The following SMAP1 variants were observed in gnomAD, a reference collection of about 807,000 sequenced individuals.
The protein encoded by SMAP1 is small ArfGAP 1, also known as stromal membrane-associated protein 1.
In SMAP1, 24 loss-of-function variants were observed where a neutral mutation model predicts 58.5. The ratio of observed to expected loss-of-function variants is 0.41; its 90% CI spans 0.30 to 0.58. The LOEUF (loss-of-function observed/expected upper bound fraction) is 0.58. Among genes scored for constraint, SMAP1 ranks in the 20% least tolerant of loss-of-function variants. The pLI is 0.29. For missense variants in SMAP1, 563 were observed against 566.3 expected, an observed-to-expected ratio of 0.99 and a Z score of 0.06; for synonymous variants, 216 against 196.6, an observed-to-expected ratio of 1.10 and a Z score of -0.82.
intron 2 of SMAP1, among the ~76,000 whole-genome samples, chr6:70,742,940 G>A (rs1203989734): frequency 2.0e-5 from 3 of 152,076 alleles, no homozygotes; most frequent in Admixed American, 1.3e-4. Context: ...AACAGTAAGG[G>A]GAAAACCGCC....
intron 6 of SMAP1, among the ~76,000 whole-genome samples, chr6:70,806,686 T>C (rs566597960): frequency 5.0e-4 from 76 of 152,348 alleles, no homozygotes; most frequent in Non-Finnish European, 9.7e-4. Flanking sequence ...TATTCTAGAA[T>C]TAGTTTTTTC....
intron 7 of SMAP1, among the ~76,000 whole-genome samples, chr6:70,846,383 A>T (rs1770990455): frequency 2.0e-5 from 3 of 152,190 alleles, no homozygotes; most frequent in Admixed American, 1.3e-4. Flanking sequence ...GTGACGAAGC[A>T]GGTGGGACTG....
chr6:70,725,456 C>T (rs1035307820), intron 1 of SMAP1, among the ~76,000 whole-genome samples: 4 of 151,978 alleles, frequency 2.6e-5, no homozygotes, highest in African/African-American at 9.7e-5. Context: ...CACAAACATA[C>T]CCGACCCATA....
At chr6:70,735,651 C>T (rs1582085813) in intron 2 of SMAP1, among the ~76,000 whole-genome samples, 2 of 152,142 alleles carry the variant, frequency 1.3e-5, no homozygotes, top group African/African-American at 4.8e-5. Context: ...CACCCGTAGT[C>T]CCAGCTACTC....
At chr6:70,766,035 G>C (rs1238601013) in intron 3 of SMAP1, among the ~76,000 whole-genome samples, 1 of 151,910 alleles carries the variant, frequency 6.6e-6, no homozygotes, top group Non-Finnish European at 1.5e-5. Flanking sequence ...TGAGAATGAT[G>C]ATTTCCAATT....
At chr6:70,709,180 C>T (rs1767956732) in intron 1 of SMAP1, among the ~76,000 whole-genome samples, 1 of 152,054 alleles carries the variant, frequency 6.6e-6, no homozygotes, top group Non-Finnish European at 1.5e-5. Flanking sequence ...GACTGTACTT[C>T]CGCCATTGTG....
At chr6:70,830,585 T>G (rs918345288) in intron 6 of SMAP1, among the ~76,000 whole-genome samples, 1 of 152,248 alleles carries the variant, frequency 6.6e-6, no homozygotes, top group Non-Finnish European at 1.5e-5. Flanking sequence ...GTTTGTTGTT[T>G]AAGGTTTACA....
chr6:70,746,955 AG>A (rs992977419), intron 2 of SMAP1, among the ~76,000 whole-genome samples: 1 of 152,238 alleles, frequency 6.6e-6, no homozygotes, highest in Non-Finnish European at 1.5e-5. Context: ...TATAGAGTAC[AG>A]GAAGTTGTTA....
intron 7 of SMAP1, among the ~76,000 whole-genome samples, chr6:70,845,233 G>A (rs893270309): frequency 8.5e-5 from 13 of 152,166 alleles, no homozygotes; most frequent in Admixed American, 2.6e-4. Context: ...TGACATTCAA[G>A]TAAAGGATGA....
At chr6:70,756,425 C>G (rs929180916) in intron 3 of SMAP1, among the ~76,000 whole-genome samples, 1 of 152,044 alleles carries the variant, frequency 6.6e-6, no homozygotes, top group African/African-American at 2.4e-5. Flanking sequence ...CGCCCCACTC[C>G]TTTCTCACAA....
chr6:70,706,557 T>G (rs1238676314), intron 1 of SMAP1, among the ~76,000 whole-genome samples: 1 of 152,224 alleles, frequency 6.6e-6, no homozygotes, highest in East Asian at 1.9e-4. Context: ...TGAGTTCATA[T>G]TTTTGGTTGT....
chr6:70,856,808 G>T, intron 8 of SMAP1, 51 bp from the exon 9 acceptor site: 1 of 1,497,458 alleles, frequency 6.7e-7, no homozygotes, highest in Non-Finnish European at 9.0e-7. Flanking sequence ...TAATGGATAA[G>T]CTGCGCTTTA....
intron 1 of SMAP1, among the ~76,000 whole-genome samples, chr6:70,694,887 AAAC>A (rs953820027): frequency 1.3e-5 from 2 of 152,224 alleles, no homozygotes; most frequent in African/African-American, 4.8e-5. Flanking sequence ...GGTATAATTT[AAAC>A]AACAACAACA....
intron 6 of SMAP1, among the ~76,000 whole-genome samples, chr6:70,818,891 A>AC (rs1769759591): frequency 1.4e-5 from 2 of 147,582 alleles, no homozygotes; most frequent in Non-Finnish European, 3.0e-5. Context: ...ATATCATGTC[A>AC]TCCATGTCAC....
chr6:70,732,496 A>G lies in SMAP1; in HGVS notation c.237A>G (p.Thr79=). The G allele has an allele frequency of 6.3e-7, 1 of 1,587,018 alleles. No individual in the cohort carries two copies. Among genetic ancestry groups the G allele is most frequent in the Non-Finnish European group, 8.6e-7 (1 of 1,166,626 alleles). Residue 79 remains threonine, a synonymous_variant, in exon 2 of 11, where the codon ACA becomes ACG. Coordinates refer to ENST00000370455, the MANE Select transcript of SMAP1 (RefSeq NM_001044305.3). ...RVKSVNLDQW[T]AEQIQCMQDM... The stretch of plus-strand genomic sequence containing the variant: ...AATCAGTCAACCTAGACCAATGGAC[A>G]GCAGAACAGATACAGGTAAACATGA...
At chr6:70,757,648 A>G (rs1243045873) in intron 3 of SMAP1, among the ~76,000 whole-genome samples, 1 of 152,090 alleles carries the variant, frequency 6.6e-6, no homozygotes. Context: ...TCCAGAATCT[A>G]CAATGAACTC....
chr6:70,843,126 A>G (rs1391588042), intron 7 of SMAP1, among the ~76,000 whole-genome samples: 1 of 151,698 alleles, frequency 6.6e-6, no homozygotes. Flanking sequence ...TCTTTAGGGT[A>G]GAGAGTATTT....
intron 6 of SMAP1, among the ~76,000 whole-genome samples, chr6:70,802,559 A>G (rs936567885): frequency 1.3e-5 from 2 of 152,168 alleles, no homozygotes; most frequent in African/African-American, 4.8e-5. Context: ...AGGAGTGGTG[A>G]GAGAGGGCAT....
chr6:70,725,277 C>T (rs375420226), intron 1 of SMAP1, among the ~76,000 whole-genome samples: 16 of 151,834 alleles, frequency 1.1e-4, no homozygotes, highest in African/African-American at 3.6e-4. Context: ...CTACCACACC[C>T]GGCTAATTTT....
Sources: gnomAD v4.1 joint callset for allele counts (sites outside exome capture counted in the v4.1 genomes callset) on GRCh38, gnomAD v4.1.1 for gene constraint, MANE v1.5 for transcripts, NCBI Gene and HGNC (gene_info 2026-07-23, HGNC 2026-07-21) for gene names.